SCYL2: variants seen among roughly 807,000 people sequenced by gnomAD.
SCYL2 encodes SCY1 like pseudokinase 2, also known as SCY1-like protein 2.
SCYL2 carries 36 observed loss-of-function variants against 100.4 expected under a neutral mutation model. The ratio of observed to expected loss-of-function variants is 0.36; its 90% CI spans 0.27 to 0.47. The LOEUF (loss-of-function observed/expected upper bound fraction) is 0.47, where lower values mean the gene tolerates loss of function less well. SCYL2 is among the 20% of genes least tolerant of loss of function. SCYL2 has a pLI of 1.00. For synonymous variants in SCYL2, 330 were observed against 359.2 expected, an observed-to-expected ratio of 0.92 and a Z score of 0.92; for missense variants, 902 against 1,083.9, an observed-to-expected ratio of 0.83 and a Z score of 2.36.
intron 4 of SCYL2, among the ~76,000 whole-genome samples, chr12:100,299,702 C>CT (rs147302630): frequency 3.1e-4 from 44 of 143,504 alleles, no homozygotes; most frequent in Middle Eastern, 3.6e-3. Context: ...ATAGTTGATT[C>CT]TTTTTTTTTT....
At chr12:100,322,064 A>T (rs1217158070) in intron 10 of SCYL2, among the ~76,000 whole-genome samples, 1 of 150,676 alleles carries the variant, frequency 6.6e-6, no homozygotes, top group East Asian at 1.9e-4. Flanking sequence ...AAAAAAAGAA[A>T]AAAAAACCCA....
chr12:100,278,478 T>C (rs1392712407), intron 1 of SCYL2, among the ~76,000 whole-genome samples: 1 of 152,154 alleles, frequency 6.6e-6, no homozygotes, highest in Admixed American at 6.5e-5. Flanking sequence ...GATTATCTGT[T>C]GTTTTTCTGA....
At position 100,298,149 on chromosome 12, in the gene SCYL2, G is replaced by A. The variant is rs2096323205; in HGVS notation, c.454G>A (p.Val152Ile). 1.3e-6 allele frequency: 2 copies of A among 1,572,956 alleles called. No individual in the cohort carries two copies. Among genetic ancestry groups the A allele is most frequent in the African/African-American group, 1.4e-5 (1 of 72,844 alleles). Residue 152 changes from valine (V) to isoleucine (I), a missense_variant, in exon 4 of 18, where the codon GTA becomes ATA. Transcript: ENST00000360820. ...CATTAAGGATTATAAACTTTATGAT[G>A]TAGAAACCAAATATGGTTTGCTTCA... is the stretch of plus-strand genomic sequence containing the variant. Reference protein sequence around the residue: ...PDIKDYKLYDVETKYGLLQVS... With the variant: ...PDIKDYKLYDIETKYGLLQVS...
chr12:100,318,352 A>G (rs1444472256), intron 10 of SCYL2, among the ~76,000 whole-genome samples: 11 of 129,974 alleles, frequency 8.5e-5, no homozygotes, highest in African/African-American at 3.4e-4. Flanking sequence ...TTTTTTTGAG[A>G]CTGAGTCTTG....
intron 9 of SCYL2, among the ~76,000 whole-genome samples, chr12:100,316,623 A>G (rs2096349025): frequency 6.6e-6 from 1 of 152,176 alleles, no homozygotes; most frequent in Non-Finnish European, 1.5e-5. Context: ...TGAATTAGGG[A>G]AAGAACAAGT....
intron 13 of SCYL2, among the ~76,000 whole-genome samples, chr12:100,331,628 T>C (rs1217527682): frequency 2.6e-5 from 4 of 152,096 alleles, no homozygotes; most frequent in Non-Finnish European, 4.4e-5. Context: ...TGAAATGTTG[T>C]GTTAATTTAC....
chr12:100,267,282 G>A lies in SCYL2; in HGVS notation c.-539G>A. 1.7e-6 allele frequency: 1 copy of A among 571,470 alleles called. No homozygotes were observed. The highest frequency in any genetic ancestry group is 3.1e-6 in the Non-Finnish European group (1 of 325,888). The allele number at this position is 571,470 out of a possible 1,614,324, so 35.4% of individuals were successfully genotyped here. A position where few individuals can be genotyped will look rare whatever the true frequency, so the allele number is the denominator to read the frequency against. ...CCGCGGGGGCGGCGGAGGATATGGA[G>A]TAAAGCCAGAGTCAGTGGCCAGGCA... On this transcript the variant is annotated 5_prime_UTR_variant, in exon 1 of 18. Transcript: ENST00000360820.
At chr12:100,300,397 A>G (rs2096326174) in intron 4 of SCYL2, among the ~76,000 whole-genome samples, 1 of 152,086 alleles carries the variant, frequency 6.6e-6, no homozygotes, top group African/African-American at 2.4e-5. Flanking sequence ...ATATACTTAT[A>G]CATGAGATAC....
chr12:100,326,899 CTTT>C, intron 12 of SCYL2, 145 bp downstream of exon 12: 1 of 660,496 alleles, frequency 1.5e-6, no homozygotes, highest in Non-Finnish European at 2.4e-6. Flanking sequence ...TAACTTTTCT[CTTT>C]AAGTTTAGCA....
intron 3 of SCYL2, 154 bp downstream of exon 3, chr12:100,291,814 T>A: frequency 1.5e-6 from 1 of 666,368 alleles, no homozygotes; most frequent in South Asian, 2.3e-5. Context: ...AAAATTTATT[T>A]GCATTGTCTA....
chr12:100,315,285 C>T (rs7981010), intron 8 of SCYL2, among the ~76,000 whole-genome samples: 6,272 of 152,196 alleles, frequency 0.041, 471 homozygotes, highest in African/African-American at 0.14. Flanking sequence ...AGAGGAAAAA[C>T]AAACATAGCG....
chr12:100,274,450 ATCT>A (rs2096290609), intron 1 of SCYL2, among the ~76,000 whole-genome samples: 1 of 152,214 alleles, frequency 6.6e-6, no homozygotes, highest in South Asian at 2.1e-4. Context: ...TGTGACAACC[ATCT>A]TCTTAACTGT....
At chr12:100,305,814 TA>T (rs1269575664) in intron 4 of SCYL2, among the ~76,000 whole-genome samples, 7 of 142,378 alleles carry the variant, frequency 4.9e-5, no homozygotes, top group Admixed American at 3.6e-4. Flanking sequence ...TAAAAAATGA[TA>T]AAGGGGATAT....
chr12:100,322,711 T>C (rs189323214), intron 10 of SCYL2, among the ~76,000 whole-genome samples: 1 of 152,024 alleles, frequency 6.6e-6, no homozygotes, highest in Non-Finnish European at 1.5e-5. Context: ...ATACAAAATA[T>C]TAGCTGGGTG....
intron 1 of SCYL2, among the ~76,000 whole-genome samples, chr12:100,270,273 C>T (rs2096286171): frequency 6.6e-6 from 1 of 152,114 alleles, no homozygotes; most frequent in Non-Finnish European, 1.5e-5. Flanking sequence ...AGGCGTGAGC[C>T]ACCGCGCCTG....
At chr12:100,307,011 A>G (rs2096335335) in intron 4 of SCYL2, among the ~76,000 whole-genome samples, 1 of 152,210 alleles carries the variant, frequency 6.6e-6, no homozygotes, top group African/African-American at 2.4e-5. Context: ...AAACAAATGG[A>G]AAAACATTCC....
chr12:100,302,268 G>T (rs2096328676), intron 4 of SCYL2, among the ~76,000 whole-genome samples: 1 of 152,158 alleles, frequency 6.6e-6, no homozygotes, highest in African/African-American at 2.4e-5. Context: ...CCCAGTTGTT[G>T]TCTCCCTAGA....
At chr12:100,278,301 T>G (rs929575483) in intron 1 of SCYL2, among the ~76,000 whole-genome samples, 1 of 151,968 alleles carries the variant, frequency 6.6e-6, no homozygotes, top group African/African-American at 2.4e-5. Flanking sequence ...CTGGTCTCAA[T>G]TGATTCTTCT....
intron 11 of SCYL2, among the ~76,000 whole-genome samples, chr12:100,324,489 A>G (rs1296444315): frequency 6.6e-6 from 1 of 152,224 alleles, no homozygotes; most frequent in African/African-American, 2.4e-5. Flanking sequence ...ATGTGAATTT[A>G]AATAAAAATA....
Sources: gnomAD v4.1 joint callset for allele counts (sites outside exome capture counted in the v4.1 genomes callset) on GRCh38, gnomAD v4.1.1 for gene constraint, MANE v1.5 for transcripts, NCBI Gene and HGNC (gene_info 2026-07-23, HGNC 2026-07-21) for gene names.